ZNF160: variants seen among roughly 807,000 people sequenced by gnomAD.
The protein encoded by ZNF160 is KRAB zinc finger protein KR18.
Under a neutral mutation model 13.1 loss-of-function variants are expected in ZNF160, and 9 were observed. The observed-to-expected ratio is 0.69, with a 90% CI of 0.41 to 1.20. The LOEUF is 1.20. Ranked by LOEUF, ZNF160 falls within the 50% of genes most tolerant of loss-of-function variation. The pLI, the probability that ZNF160 is intolerant of heterozygous loss-of-function variation, is 0.01. For synonymous variants in ZNF160, 293 were observed against 333.2 expected, an observed-to-expected ratio of 0.88 and a Z score of 1.31; for missense variants, 838 against 988.0, an observed-to-expected ratio of 0.85 and a Z score of 2.04.
At chr19:53,095,630 G>C (rs2085204820) in intron 1 of ZNF160, 1 of 152,110 alleles carries the variant, frequency 6.6e-6, no homozygotes, top group African/African-American at 2.4e-5. Flanking sequence ...TTGTTCTCAT[G>C]AGAGATGACT....
intron 3 of ZNF160, among the ~76,000 whole-genome samples, chr19:53,078,799 C>CAAA (rs11286009): frequency 9.9e-5 from 14 of 141,234 alleles, no homozygotes; most frequent in Admixed American, 7.2e-4. Context: ...GAGCAGCAAT[C>CAAA]AAAAAAAAAA....
intron 1 of ZNF160, among the ~76,000 whole-genome samples, chr19:53,093,025 T>C (rs1348836820): frequency 6.6e-6 from 1 of 152,208 alleles, no homozygotes; most frequent in Non-Finnish European, 1.5e-5. Flanking sequence ...AAATTGAGAA[T>C]AGTAGGGGTG....
At chr19:53,077,611 G>C (rs2084445194) in intron 3 of ZNF160, among the ~76,000 whole-genome samples, 1 of 148,352 alleles carries the variant, frequency 6.7e-6, no homozygotes, top group African/African-American at 2.5e-5. Context: ...GGAGGTTGCA[G>C]TGAGCTGGGA....
In ZNF160 at chr19:53,074,165, C is replaced by T. The variant is rs745796013; in HGVS notation, c.246G>A (p.Pro82=). The T allele has an allele frequency of 3.1e-6, 5 of 1,613,978 alleles. No individual in the cohort carries two copies. The highest frequency in any genetic ancestry group is 1.1e-5 in the South Asian group (1 of 91,078). ...CTGTGACCACGCCTTTGACACATTCCGGCGTTCTTGGTTTTCTTGCTATTT... is the reference window on the plus strand; with the variant it reads ...CTGTGACCACGCCTTTGACACATTCTGGCGTTCTTGGTTTTCTTGCTATTT... The part of the protein sequence containing the change: ...CVKIARKPRT[P]ECVKGVVTDI... The change falls in exon 5 of 6, where the codon CCG becomes CCA. Residue 82 remains proline, a synonymous_variant. Coordinates refer to ENST00000683776, the MANE Select transcript of ZNF160 (RefSeq NM_001322131.2).
intron 2 of ZNF160, among the ~76,000 whole-genome samples, chr19:53,087,709 C>T (rs2084894405): frequency 6.6e-6 from 1 of 152,114 alleles, no homozygotes; most frequent in Admixed American, 6.6e-5. Flanking sequence ...CGCCACCACG[C>T]CCGGCTAATT....
chr19:53,071,671 AT>A (rs1181692794), intron 5 of ZNF160, among the ~76,000 whole-genome samples: 1 of 152,000 alleles, frequency 6.6e-6, no homozygotes, highest in Admixed American at 6.6e-5. Context: ...AAATAAAAAA[AT>A]AAAAAAAAAA....
chr19:53,092,315 T>C (rs1462928957), intron 1 of ZNF160, among the ~76,000 whole-genome samples: 1 of 151,440 alleles, frequency 6.6e-6, no homozygotes, highest in African/African-American at 2.4e-5. Context: ...GATAGGGTAT[T>C]TTTTTTTTCT....
At position 53,068,536 on chromosome 19, in the gene ZNF160, G is replaced by A. The variant is rs200246077; in HGVS notation, c.1998C>T (p.Thr666=). The A allele has an allele frequency of 1.1e-5, 18 of 1,614,022 alleles. No individual in the cohort carries two copies. The African/African-American group carries it at 1.2e-4, about 11-fold the overall frequency. Residue 666 remains threonine, a synonymous_variant, in exon 6 of 6, where the codon ACC becomes ACT. Transcript: ENST00000683776. ...TCTCTCCAGTATGGATGACCTTATG[G>A]GTAGTTAGGTTTGAATGCATACTAA... ...KAFSMHSNLT[T]HKVIHTGEKP... is the part of the protein sequence containing the mutation.
chr19:53,074,012 A>G, intron 5 of ZNF160, 128 bp downstream of exon 5: 1 of 848,616 alleles, frequency 1.2e-6, no homozygotes, highest in East Asian at 2.5e-5. Context: ...CTGGTCTCGA[A>G]CTCCTGACCT....
chr19:53,095,933 T>C (rs1024640682), intron 1 of ZNF160, among the ~76,000 whole-genome samples: 1 of 152,108 alleles, frequency 6.6e-6, no homozygotes, highest in South Asian at 2.1e-4. Flanking sequence ...GGAAATGATA[T>C]ATGGTCAGGT....
intron 2 of ZNF160, 106 bp from the exon 3 acceptor site, chr19:53,086,427 ACAGATCTCAC>A: frequency 1.1e-6 from 1 of 890,738 alleles, no homozygotes; most frequent in South Asian, 2.4e-5. Context: ...AGTCACACGC[ACAGATCTCAC>A]CCTGTGGAAA....
chr19:53,093,905 T>C (rs2085125896), intron 1 of ZNF160, among the ~76,000 whole-genome samples: 1 of 152,080 alleles, frequency 6.6e-6, no homozygotes, highest in Admixed American at 6.5e-5. Flanking sequence ...ATTGAAAAAA[T>C]GAGATGCACC....
Position 53,069,672 on chromosome 19 carries a change from T to G in ZNF160, c.862A>C (p.Ser288Arg), listed in dbSNP as rs536702933. The change falls in exon 6 of 6, where the codon AGT (serine) becomes CGT (arginine). Residue 288 changes from serine (S) to arginine (R), a missense_variant. Coordinates refer to ENST00000683776, the MANE Select transcript of ZNF160 (RefSeq NM_001322131.2). The surrounding 1 kb of genome is among the most constrained non-coding windows in gnomAD (Gnocchi z 4.4). ...IHSGEKPYKCSECGKTFTVRS... is the reference protein window; with the variant it reads ...IHSGEKPYKCRECGKTFTVRS... ...ACAGTAAAGGTTTTGCCGCACTCAC[T>G]GCATTTGTAAGGCTTCTCTCCACTA... 1 of 1,614,146 alleles carries G rather than the reference T, an allele frequency of 6.2e-7. No homozygotes were observed. Among genetic ancestry groups the G allele is most frequent in the African/African-American group, 1.3e-5 (1 of 75,070 alleles).
At chr19:53,090,669 C>T (rs1385511127) in intron 2 of ZNF160, among the ~76,000 whole-genome samples, 1 of 152,078 alleles carries the variant, frequency 6.6e-6, no homozygotes, top group South Asian at 2.1e-4. Flanking sequence ...GGGAGGCCTG[C>T]AGGATAGAGG....
chr19:53,088,967 G>A (rs1367901113), intron 2 of ZNF160, among the ~76,000 whole-genome samples: 1 of 152,124 alleles, frequency 6.6e-6, no homozygotes, highest in Non-Finnish European at 1.5e-5. Flanking sequence ...ACTTTCCTTG[G>A]GTTTGAATAA....
intron 5 of ZNF160, among the ~76,000 whole-genome samples, chr19:53,071,595 C>T (rs1355107519): frequency 6.8e-6 from 1 of 146,646 alleles, no homozygotes; most frequent in East Asian, 2.0e-4. Context: ...CCCAAGAGTT[C>T]AAGGTTACAG....
chr19:53,070,187 A>G lies in ZNF160; in HGVS notation c.347T>C (p.Val116Ala). 1.2e-6 allele frequency: 2 copies of G among 1,613,888 alleles called. No homozygotes were observed. Among genetic ancestry groups the G allele is most frequent in the African/African-American group, 1.3e-5 (1 of 75,026 alleles). The change falls in exon 6 of 6, where the codon GTG becomes GCG. Residue 116 changes from valine to alanine, a missense_variant. By Grantham distance (64) the Val-to-Ala change is moderately conservative (BLOSUM62 0). Coordinates refer to ENST00000683776, the MANE Select transcript of ZNF160 (RefSeq NM_001322131.2). ...KSSTEAVFHTVVLERHESPDI... is the reference protein window; with the variant it reads ...KSSTEAVFHTAVLERHESPDI... ...AGGGCTTTCGTGTCTTTCCAACACCACTGTGTGGAATACTGCTTCTGTACT... is the reference window on the plus strand; with the variant it reads ...AGGGCTTTCGTGTCTTTCCAACACCGCTGTGTGGAATACTGCTTCTGTACT...
At chr19:53,090,225 C>A (rs148236560) in intron 2 of ZNF160, among the ~76,000 whole-genome samples, 18 of 152,212 alleles carry the variant, frequency 1.2e-4, no homozygotes, top group African/African-American at 4.3e-4. Flanking sequence ...TCCTCCTCTC[C>A]CCCACTCTCT....
At chr19:53,077,594 G>T (rs1452327618) in intron 3 of ZNF160, among the ~76,000 whole-genome samples, 2 of 150,670 alleles carry the variant, frequency 1.3e-5, no homozygotes, top group Non-Finnish European at 3.0e-5. Flanking sequence ...GCTTGAACCC[G>T]GGAGGTGGAG....
Sources: allele counts gnomAD v4.1 joint callset (sites outside exome capture counted in the v4.1 genomes callset), GRCh38; gene constraint gnomAD v4.1.1; non-coding constraint Gnocchi (gnomAD v3.1); transcripts MANE v1.5; gene names NCBI Gene and HGNC (gene_info 2026-07-23, HGNC 2026-07-21).